The following ALK variants were observed in gnomAD, a reference collection of about 807,000 sequenced individuals.
ALK encodes ALK tyrosine kinase receptor.
In ALK, 74 loss-of-function variants were observed where a neutral mutation model predicts 163.1. That is an observed-to-expected ratio of 0.45 (90% CI 0.38 to 0.55). The LOEUF is 0.55. Ranked by LOEUF, ALK falls within the 20% of genes least tolerant of loss-of-function variation. ALK has a pLI of 0.00. For missense variants in ALK, 2,063 were observed against 2,105.3 expected, an observed-to-expected ratio of 0.98 and a Z score of 0.39; for synonymous variants, 960 against 843.2, an observed-to-expected ratio of 1.14 and a Z score of -2.40.
chr2:29,664,612 T>C (rs1180680141), intron 3 of ALK, among the ~76,000 whole-genome samples: 1 of 152,154 alleles, frequency 6.6e-6, no homozygotes, highest in African/African-American at 2.4e-5. Context: ...CAATAAAGTC[T>C]GGGTTTCTTA....
intron 4 of ALK, among the ~76,000 whole-genome samples, chr2:29,420,307 T>C (rs1337931117): frequency 1.3e-5 from 2 of 151,536 alleles, no homozygotes; most frequent in Non-Finnish European, 2.9e-5. Flanking sequence ...TAGACAGAAG[T>C]GAAGCTATCT....
intron 4 of ALK, among the ~76,000 whole-genome samples, chr2:29,385,119 A>ATTT (rs11295853): frequency 1.6e-3 from 232 of 147,074 alleles, no homozygotes; most frequent in African/African-American, 4.7e-3. Flanking sequence ...AATATTTCAC[A>ATTT]TTTTTTTTTT....
At chr2:29,247,149 G>A (rs977310198) in intron 12 of ALK, among the ~76,000 whole-genome samples, 1 of 149,750 alleles carries the variant, frequency 6.7e-6, no homozygotes, top group East Asian at 2.0e-4. Context: ...CTTTTACCCC[G>A]GCCTCCGCGG....
chr2:29,841,093 C>A (rs1665685921), intron 1 of ALK, among the ~76,000 whole-genome samples: 1 of 152,158 alleles, frequency 6.6e-6, no homozygotes, highest in African/African-American at 2.4e-5. Context: ...CATATTCGGC[C>A]AGATTTTTCT....
At chr2:29,359,745 G>T (rs1203192593) in intron 5 of ALK, among the ~76,000 whole-genome samples, 3 of 152,202 alleles carry the variant, frequency 2.0e-5, no homozygotes, top group African/African-American at 7.2e-5. Context: ...CATGCAGCTT[G>T]TTCCCGGGCT....
chr2:29,881,595 T>C (rs1666868397), intron 1 of ALK, among the ~76,000 whole-genome samples: 1 of 152,158 alleles, frequency 6.6e-6, no homozygotes. Context: ...CCCCGCCTCC[T>C]GCGTGGGCTT....
intron 4 of ALK, among the ~76,000 whole-genome samples, chr2:29,488,258 C>T (rs1671824791): frequency 1.3e-5 from 2 of 152,190 alleles, no homozygotes; most frequent in Non-Finnish European, 2.9e-5. Context: ...CTACTATTTA[C>T]TTCTTAATAA....
chr2:29,390,237 C>T (rs1197581160), intron 4 of ALK, among the ~76,000 whole-genome samples: 3 of 152,122 alleles, frequency 2.0e-5, no homozygotes, highest in Admixed American at 2.0e-4. Context: ...ATGTGGCTAT[C>T]CTCATGTCCT....
rs1179785867 is a variant in ALK, at chr2:29,288,955, AAAATAAATAAATAAAT to A, written c.1817+7917_1817+7932del. 1.8e-3 allele frequency among the ~76,000 whole-genome samples: 48 copies of A among 26,824 alleles called. 7 individuals are homozygous for A. Among genetic ancestry groups the A allele is most frequent in the Non-Finnish European group, 6.2e-3 (27 of 4,362 alleles). The allele number at this position is 26,824 out of a possible 152,430, so 17.6% of individuals were successfully genotyped here. A position where few individuals can be genotyped will look rare whatever the true frequency, so the allele number is the denominator to read the frequency against. On this transcript the variant is annotated intron_variant, in intron 9 of 28. Coordinates refer to ENST00000389048, the MANE Select transcript of ALK (RefSeq NM_004304.5). ...CGACAGAGGGAGACTCCTTCTCAAA[AAAATAAATAAATAAAT>A]AAATAAATAAATAAATAAATAAATA...
intron 3 of ALK, among the ~76,000 whole-genome samples, chr2:29,666,174 T>C (rs1469063050): frequency 6.6e-6 from 1 of 152,136 alleles, no homozygotes; most frequent in African/African-American, 2.4e-5. Flanking sequence ...CAATCAACTT[T>C]GTCTGGCATG....
chr2:29,597,075 C>CA (rs903112966), intron 3 of ALK, among the ~76,000 whole-genome samples: 6 of 151,964 alleles, frequency 3.9e-5, no homozygotes, highest in Non-Finnish European at 7.4e-5. Context: ...GAAACAGACA[C>CA]AAAAAAAATA....
At chr2:29,272,334 C>T (rs1665414850) in intron 11 of ALK, among the ~76,000 whole-genome samples, 1 of 152,198 alleles carries the variant, frequency 6.6e-6, no homozygotes, top group Non-Finnish European at 1.5e-5. Context: ...TCTCTTTCAG[C>T]ATCTTCATCT....
At chr2:29,622,634 C>T (rs908069876) in intron 3 of ALK, among the ~76,000 whole-genome samples, 1 of 152,184 alleles carries the variant, frequency 6.6e-6, no homozygotes, top group Non-Finnish European at 1.5e-5. Flanking sequence ...CCCAGCTTCT[C>T]TGTATGACCT....
chr2:29,472,327 A>C (rs115412606), intron 4 of ALK, among the ~76,000 whole-genome samples: 1 of 152,302 alleles, frequency 6.6e-6, no homozygotes, highest in African/African-American at 2.4e-5. Context: ...ACCTTGTCTA[A>C]ATTCCCAATC....
rs370848188 is a variant in ALK, at chr2:29,532,024, C to G, written c.1045G>C (p.Val349Leu). 6.2e-7 allele frequency: 1 copy of G among 1,614,124 alleles called. No individual in the cohort carries two copies. Among genetic ancestry groups the G allele is most frequent in the African/African-American group, 1.3e-5 (1 of 75,034 alleles). Residue 349 changes from valine (V) to leucine (L), a missense_variant, in exon 4 of 29, where the codon GTC becomes CTC. By Grantham distance (32) the Val-to-Leu change is conservative (BLOSUM62 1). Around this residue, in one of 5 missense-constraint regions of ALK, gnomAD observed 987 missense variants for 939.5 expected, o/e 1.05. Coordinates refer to ENST00000389048, the MANE Select transcript of ALK (RefSeq NM_004304.5). Reference sequence around the variant, plus strand: ...GGCTGCAGGTGCCTGTGCACCGAGACGGCCAGTGTGCAGTGCTCACTGCTG... The same window carrying G: ...GGCTGCAGGTGCCTGTGCACCGAGAGGGCCAGTGTGCAGTGCTCACTGCTG... ...RSSSEHCTLA[V>L]SVHRHLQPSG...
chr2:29,917,828 C>A (rs1667874407), intron 1 of ALK, among the ~76,000 whole-genome samples: 1 of 152,222 alleles, frequency 6.6e-6, no homozygotes, highest in Non-Finnish European at 1.5e-5. Flanking sequence ...TGATTCCAAT[C>A]CTGCTGAAAA....
At chr2:29,536,889 C>G (rs926422544) in intron 3 of ALK, among the ~76,000 whole-genome samples, 1 of 152,280 alleles carries the variant, frequency 6.6e-6, no homozygotes, top group Middle Eastern at 3.4e-3. Flanking sequence ...CATGTTCATG[C>G]CTTAGGGATC....
chr2:29,230,498 T>G (rs1285413894), intron 15 of ALK, among the ~76,000 whole-genome samples: 3 of 152,164 alleles, frequency 2.0e-5, no homozygotes, highest in African/African-American at 7.2e-5. Context: ...TGAACCGGCC[T>G]GGCAGGGTTT....
At chr2:29,663,052 C>T (rs1677398575) in intron 3 of ALK, among the ~76,000 whole-genome samples, 1 of 152,158 alleles carries the variant, frequency 6.6e-6, no homozygotes, top group African/African-American at 2.4e-5. Context: ...GCTAATACTC[C>T]TTCCACTGAA....
Sources: gnomAD v4.1 joint callset for allele counts (sites outside exome capture counted in the v4.1 genomes callset) on GRCh38, gnomAD v4.1.1 for gene constraint, gnomAD v4.1.1 regional missense constraint, MANE v1.5 for transcripts, NCBI Gene and HGNC (gene_info 2026-07-23, HGNC 2026-07-21) for gene names.